The following OLFM3 variants were observed in gnomAD, a reference collection of about 807,000 sequenced individuals.
The protein encoded by OLFM3 is olfactomedin 3, also known as noelin-3.
In OLFM3, 20 loss-of-function variants were observed where a neutral mutation model predicts 48.6. The observed-to-expected ratio is 0.41, with a 90% confidence interval of 0.29 to 0.60. The LOEUF (loss-of-function observed/expected upper bound fraction) is 0.60. OLFM3 is among the 20% of genes least tolerant of loss of function. The pLI, the probability that OLFM3 is intolerant of heterozygous loss-of-function variation, is 0.28. For missense variants in OLFM3, 437 were observed against 544.3 expected (o/e 0.80, Z 1.96); for synonymous variants, 222 against 198.1 (o/e 1.12, Z -1.01).
intron 1 of OLFM3, among the ~76,000 whole-genome samples, chr1:101,877,610 T>C (rs1657351027): frequency 6.6e-6 from 1 of 151,896 alleles, no homozygotes. Context: ...AAAGAGGGAA[T>C]GATAAACAGG....
rs141797182 is a variant in OLFM3 at position 101,804,075 on chromosome 1, G to C, written c.*163C>G. 2,962 of 540,688 alleles carry C rather than the reference G, an allele frequency of 5.5e-3. 78 individuals are homozygous for C. Among genetic ancestry groups the C allele is most frequent in the East Asian group, 0.012 (395 of 31,780 alleles). 33.5% of individuals were successfully genotyped at this position (540,688 alleles called of 1,614,324 possible). On this transcript the variant is annotated 3_prime_UTR_variant, in exon 6 of 6. Coordinates refer to ENST00000370103, the MANE Select transcript of OLFM3 (RefSeq NM_058170.4). The surrounding 1 kb of genome is among the most constrained non-coding windows in gnomAD (Gnocchi z 4.5). ...TTAAGATGTGTTTCCAACATGGTAA[G>C]TTAGACAAGCTCAGCTATGTTTTTG...
chr1:101,985,792 A>G (rs1189613947), intron 1 of OLFM3, among the ~76,000 whole-genome samples: 3 of 152,162 alleles, frequency 2.0e-5, no homozygotes, highest in African/African-American at 7.2e-5. Context: ...ATATTTTTGT[A>G]CTTAATTTTG....
chr1:101,959,379 C>T (rs1430876663), intron 1 of OLFM3, among the ~76,000 whole-genome samples: 1 of 150,568 alleles, frequency 6.6e-6, no homozygotes, highest in East Asian at 1.9e-4. Flanking sequence ...CTTTCTAAAG[C>T]TCTGTTGAAT....
chr1:101,965,253 A>G (rs1469069215), intron 1 of OLFM3, among the ~76,000 whole-genome samples: 1 of 152,216 alleles, frequency 6.6e-6, no homozygotes, highest in Non-Finnish European at 1.5e-5. Context: ...CCCCAGGCTA[A>G]CGGGAACTAA....
chr1:101,995,529 C>T (rs1270783814), intron 1 of OLFM3, among the ~76,000 whole-genome samples: 1 of 152,096 alleles, frequency 6.6e-6, no homozygotes, highest in East Asian at 1.9e-4. Context: ...TTATTCTCAT[C>T]AGGTCCTTCT....
At chr1:101,935,995 G>T (rs1454938030) in intron 1 of OLFM3, among the ~76,000 whole-genome samples, 1 of 152,032 alleles carries the variant, frequency 6.6e-6, no homozygotes, top group African/African-American at 2.4e-5. Context: ...AACCATCTAT[G>T]ACAAACCCAT....
chr1:101,844,995 G>A (rs1308608067), intron 1 of OLFM3, among the ~76,000 whole-genome samples: 1 of 152,020 alleles, frequency 6.6e-6, no homozygotes, highest in East Asian at 1.9e-4. Context: ...TTAGGGAAAT[G>A]TCATAGACAT....
chr1:101,866,951 C>T (rs1380681770), intron 1 of OLFM3, among the ~76,000 whole-genome samples: 1 of 152,126 alleles, frequency 6.6e-6, no homozygotes, highest in Non-Finnish European at 1.5e-5. Context: ...ATTATTTAAA[C>T]CCCAAACACT....
intron 1 of OLFM3, chr1:101,860,094 T>TG (rs1431913588): frequency 6.6e-6 from 1 of 151,866 alleles, no homozygotes; most frequent in African/African-American, 2.4e-5. Flanking sequence ...ACAACCAAAG[T>TG]GGGGTTGCGG....
intron 1 of OLFM3, among the ~76,000 whole-genome samples, chr1:101,901,492 G>A (rs940966842): frequency 6.6e-6 from 1 of 152,086 alleles, no homozygotes; most frequent in African/African-American, 2.4e-5. Context: ...ACAGGAATAA[G>A]AGTCGGGACT....
At chr1:101,984,301 G>T (rs1661177013) in intron 1 of OLFM3, among the ~76,000 whole-genome samples, 1 of 149,648 alleles carries the variant, frequency 6.7e-6, no homozygotes, top group African/African-American at 2.5e-5. Flanking sequence ...TTTATGGGCA[G>T]ATTTTTACCT....
At chr1:101,993,561 TC>T (rs1661474095) in intron 1 of OLFM3, among the ~76,000 whole-genome samples, 1 of 152,118 alleles carries the variant, frequency 6.6e-6, no homozygotes, top group Non-Finnish European at 1.5e-5. Context: ...TTAATTGACA[TC>T]TCTTAAAATA....
intron 1 of OLFM3, among the ~76,000 whole-genome samples, chr1:101,929,591 T>C (rs1476688648): frequency 6.6e-6 from 1 of 152,160 alleles, no homozygotes; most frequent in Non-Finnish European, 1.5e-5. Flanking sequence ...CCAATTCAGG[T>C]AATTCACATG....
At chr1:101,823,564 C>A (rs1261061123) in intron 4 of OLFM3, among the ~76,000 whole-genome samples, 2 of 151,882 alleles carry the variant, frequency 1.3e-5, no homozygotes, top group African/African-American at 4.8e-5. Context: ...GCAGAAGGGG[C>A]CACACATGAA....
intron 3 of OLFM3, among the ~76,000 whole-genome samples, chr1:101,827,593 T>C (rs925159213): frequency 1.3e-5 from 2 of 152,152 alleles, no homozygotes; most frequent in African/African-American, 4.8e-5. Context: ...AGTATAGTAC[T>C]AGCACCTAGA....
intron 4 of OLFM3, among the ~76,000 whole-genome samples, chr1:101,818,791 AG>A (rs1654462632): frequency 6.6e-6 from 1 of 152,174 alleles, no homozygotes; most frequent in African/African-American, 2.4e-5. Flanking sequence ...GCTTTGTAAA[AG>A]ATATCGATGT....
At chr1:101,831,686 G>A (rs1470211387) in intron 2 of OLFM3, among the ~76,000 whole-genome samples, 1 of 152,240 alleles carries the variant, frequency 6.6e-6, no homozygotes, top group Admixed American at 6.5e-5. Context: ...AGTACTCAAA[G>A]CAACAATTTT....
At chr1:101,950,195 CTT>C (rs918682672) in intron 1 of OLFM3, among the ~76,000 whole-genome samples, 1 of 152,078 alleles carries the variant, frequency 6.6e-6, no homozygotes, top group African/African-American at 2.4e-5. Context: ...AAGTTGGTCT[CTT>C]TGGTGTTCCT....
At position 101,962,875 on chromosome 1, in the gene OLFM3, G is replaced by A. The variant is rs563612861; in HGVS notation, c.69+33873C>T. ...GGGTGGTGTATAGAGAGGAGCAGAC[G>A]TGGAAAAGCCAGTTCTTACTTGCTT... On this transcript the variant is annotated intron_variant, in intron 1 of 5. Transcript: ENST00000370103. Among the ~76,000 whole-genome samples, 3 of 152,294 alleles carry A rather than the reference G, an allele frequency of 2.0e-5. No individual in the cohort carries two copies. In the East Asian group the frequency reaches 5.8e-4, roughly 29 times the overall value.
Sources: allele counts gnomAD v4.1 joint callset (sites outside exome capture counted in the v4.1 genomes callset), GRCh38; gene constraint gnomAD v4.1.1; non-coding constraint Gnocchi (gnomAD v3.1); transcripts MANE v1.5; gene names NCBI Gene and HGNC (gene_info 2026-07-23, HGNC 2026-07-21).